The following LIN28B variants were observed in gnomAD, a reference collection of about 807,000 sequenced individuals.
The protein encoded by LIN28B is lin-28 RNA binding posttranscriptional regulator B.
Under a neutral mutation model 21.9 loss-of-function variants are expected in LIN28B, and 5 were observed. The ratio of observed to expected loss-of-function variants is 0.23; its 90% CI spans 0.12 to 0.48. The LOEUF is 0.48. Ranked by LOEUF, LIN28B falls within the 20% of genes least tolerant of loss-of-function variation. The pLI is 0.98. For synonymous variants in LIN28B, 109 were observed against 111.3 expected (o/e 0.98, Z 0.13); for missense variants, 245 against 310.5 (o/e 0.79, Z 1.58).
intron 2 of LIN28B, among the ~76,000 whole-genome samples, chr6:104,971,734 C>T (rs547306761): frequency 1.7e-3 from 253 of 152,112 alleles, no homozygotes; most frequent in Non-Finnish European, 2.6e-3. Flanking sequence ...GTTTCAACTT[C>T]TGTTTACTTA....
chr6:105,053,382 G>GGT (rs112180054), intron 3 of LIN28B, among the ~76,000 whole-genome samples: 8,786 of 146,252 alleles, frequency 0.06, 587 homozygotes, highest in African/African-American at 0.17. Context: ...TATGTCTTAT[G>GGT]GTGTGTGTGT....
intron 3 of LIN28B, among the ~76,000 whole-genome samples, chr6:105,069,355 AAG>A (rs761457685): frequency 9.2e-5 from 14 of 152,218 alleles, no homozygotes; most frequent in Non-Finnish European, 1.8e-4. Context: ...GGAGAATTAA[AAG>A]AGTTATTATG....
chr6:104,989,015 C>T (rs1183281787), intron 2 of LIN28B, among the ~76,000 whole-genome samples: 1 of 152,142 alleles, frequency 6.6e-6, no homozygotes, highest in Non-Finnish European at 1.5e-5. Flanking sequence ...TTCATACTTT[C>T]TATATGATCT....
At chr6:105,052,771 TTC>T (rs1045175896) in intron 3 of LIN28B, among the ~76,000 whole-genome samples, 11 of 152,202 alleles carry the variant, frequency 7.2e-5, no homozygotes, top group African/African-American at 2.2e-4. Context: ...TGTTGATTTC[TTC>T]TCTCTTGTTT....
At position 105,005,604 on chromosome 6, in the gene LIN28B, GCTCT is replaced by G. The variant is rs139594936; in HGVS notation, c.199-20679_199-20676del. 1.3e-4 allele frequency among the ~76,000 whole-genome samples: 19 copies of G among 148,698 alleles called. 1 individual carries two copies. Among genetic ancestry groups the G allele is most frequent in the South Asian group, 4.2e-4 (2 of 4,736 alleles). Reference sequence around the variant, plus strand: ...AAAAGTGTGTGGCACTCGTCCCTTGGCTCTCTCTCTCTCTCTCTGCTGCTGCCAT... The same window carrying G: ...AAAAGTGTGTGGCACTCGTCCCTTGGCTCTCTCTCTCTCTGCTGCTGCCAT... On this transcript the variant is annotated intron_variant, in intron 2 of 3. Transcript: ENST00000345080.
chr6:105,069,513 CCAGGAGTT>C (rs964320625), intron 3 of LIN28B, among the ~76,000 whole-genome samples: 1 of 151,742 alleles, frequency 6.6e-6, no homozygotes, highest in African/African-American at 2.4e-5. Context: ...TTACTTGAGC[CCAGGAGTT>C]CAAGACCAGA....
At chr6:104,969,100 T>G (rs1250452294) in intron 2 of LIN28B, among the ~76,000 whole-genome samples, 1 of 152,146 alleles carries the variant, frequency 6.6e-6, no homozygotes, top group Non-Finnish European at 1.5e-5. Context: ...TTTTTTTAAG[T>G]GCATCTTTTT....
At chr6:104,969,055 A>G (rs886784810) in intron 2 of LIN28B, among the ~76,000 whole-genome samples, 2 of 152,192 alleles carry the variant, frequency 1.3e-5, no homozygotes, top group African/African-American at 2.4e-5. Flanking sequence ...TATTAGAGAC[A>G]TATACGTAAC....
chr6:104,998,022 T>C (rs1413387596), intron 2 of LIN28B, among the ~76,000 whole-genome samples: 1 of 152,252 alleles, frequency 6.6e-6, no homozygotes, highest in African/African-American at 2.4e-5. Context: ...TAAACCCTTT[T>C]ATGCTGTAAA....
At chr6:104,937,138 A>G (rs1456376796) in intron 2 of LIN28B, 1 of 151,070 alleles carries the variant, frequency 6.6e-6, no homozygotes, top group East Asian at 2.0e-4. Context: ...TCTAAACTCT[A>G]TTTTTCTTTC....
intron 3 of LIN28B, among the ~76,000 whole-genome samples, chr6:105,048,230 G>T (rs1404180320): frequency 6.6e-6 from 1 of 152,138 alleles, no homozygotes; most frequent in Non-Finnish European, 1.5e-5. Context: ...TAGCATGAAG[G>T]GCTGTTGAAT....
At chr6:104,961,417 T>G (rs1769736382) in intron 2 of LIN28B, among the ~76,000 whole-genome samples, 1 of 152,174 alleles carries the variant, frequency 6.6e-6, no homozygotes, top group Non-Finnish European at 1.5e-5. Context: ...TATTTTTTTT[T>G]TGAGGTGGAG....
At chr6:104,951,575 C>T (rs1205891141) in intron 3 of LIN28B, among the ~76,000 whole-genome samples, 1 of 151,668 alleles carries the variant, frequency 6.6e-6, no homozygotes, top group East Asian at 1.9e-4. Flanking sequence ...TCTGTTGGGG[C>T]CAGTTCAGAG....
At chr6:104,998,013 A>G (rs1163135441) in intron 2 of LIN28B, among the ~76,000 whole-genome samples, 4 of 152,226 alleles carry the variant, frequency 2.6e-5, no homozygotes, top group Admixed American at 2.0e-4. Flanking sequence ...AGATTGTTTT[A>G]AACCCTTTTA....
chr6:105,069,374 C>A (rs755967891), intron 3 of LIN28B, among the ~76,000 whole-genome samples: 1 of 152,076 alleles, frequency 6.6e-6, no homozygotes, highest in Non-Finnish European at 1.5e-5. Flanking sequence ...TATGGGAAAT[C>A]AGTAATTGTT....
At chr6:104,962,373 G>A (rs1769765271) in intron 2 of LIN28B, among the ~76,000 whole-genome samples, 1 of 151,800 alleles carries the variant, frequency 6.6e-6, no homozygotes. Flanking sequence ...TACCTTACAA[G>A]TATTGGTGTT....
At chr6:104,979,960 A>C (rs1392054556) in intron 2 of LIN28B, among the ~76,000 whole-genome samples, 1 of 152,170 alleles carries the variant, frequency 6.6e-6, no homozygotes, top group African/African-American at 2.4e-5. Flanking sequence ...ACCTGGTTTG[A>C]GAAGAAAAAC....
At chr6:105,026,195 C>T in intron 2 of LIN28B, 103 bp from the exon 3 acceptor site, 1 of 595,980 alleles carries the variant, frequency 1.7e-6, no homozygotes, top group Non-Finnish European at 2.8e-6. Context: ...TTTTGTAATG[C>T]ATGACAGAGT....
At chr6:104,987,829 C>T (rs1770378467) in intron 2 of LIN28B, among the ~76,000 whole-genome samples, 1 of 152,142 alleles carries the variant, frequency 6.6e-6, no homozygotes, top group South Asian at 2.1e-4. Context: ...ACTGCCACCT[C>T]CACCTCCTGG....
Sources: gnomAD v4.1 joint callset for allele counts (sites outside exome capture counted in the v4.1 genomes callset) on GRCh38, gnomAD v4.1.1 for gene constraint, MANE v1.5 for transcripts, NCBI Gene and HGNC (gene_info 2026-07-23, HGNC 2026-07-21) for gene names.